The following C10orf53 variants were observed in gnomAD, a reference collection of about 807,000 sequenced individuals.
C10orf53 encodes chromosome 10 open reading frame 53, also known as UPF0728 protein C10orf53.
In C10orf53, 8 loss-of-function variants were observed where a neutral mutation model predicts 9.4. The observed-to-expected ratio is 0.85, with a 90% CI of 0.50 to 1.53. The LOEUF (loss-of-function observed/expected upper bound fraction) is 1.53, where lower values mean the gene tolerates loss of function less well. C10orf53 is among the 40% of genes most tolerant of loss of function. The pLI is 0.00. For synonymous variants in C10orf53, 48 were observed against 46.0 expected (o/e 1.04, Z -0.18); for missense variants, 117 against 117.8 (o/e 0.99, Z 0.03).
At position 49,694,986 on chromosome 10, in the gene C10orf53, G is replaced by A. The variant is rs1840621184; in HGVS notation, c.*384G>A. 4 of 991,982 alleles carry A rather than the reference G, an allele frequency of 4.0e-6. No individual in the cohort carries two copies. Among genetic ancestry groups the A allele is most frequent in the Non-Finnish European group, 4.8e-6 (4 of 830,592 alleles). 61.4% of individuals were successfully genotyped at this position (991,982 alleles called of 1,614,324 possible). On this transcript the variant is annotated 3_prime_UTR_variant, in exon 3 of 3. Coordinates refer to ENST00000374111, the MANE Select transcript of C10orf53 (RefSeq NM_001042427.3). ...TTTAGTACTCAAAGTGCTCAGAACA[G>A]GTGAAATTAAAGAGAGGTTGGGGGA...
Position 49,708,385 on chromosome 10 carries a change from A to C in C10orf53, c.242A>C (p.Lys81Thr), listed in dbSNP as rs1462089757. The change falls in exon 3 of 3, where the codon AAG becomes ACG. Residue 81 changes from lysine (K) to threonine (T), a missense_variant. Coordinates refer to the C10orf53 transcript ENST00000374112. ...GGCAAGCTCACCCCAAGTAGTGACA[A>C]GAGGACCACCAGCAGCTCCAGGCTG... is the stretch of plus-strand genomic sequence containing the variant. 2.1e-5 allele frequency: 34 copies of C among 1,614,008 alleles called. No homozygotes were observed. The Admixed American group carries it at 5.7e-4, about 27-fold the overall frequency.
At chr10:49,704,275 C>G (rs758585023) in intron 2 of C10orf53, among the ~76,000 whole-genome samples, 2 of 152,188 alleles carry the variant, frequency 1.3e-5, no homozygotes, top group Non-Finnish European at 2.9e-5. Context: ...ATTTGCAACT[C>G]ATATCCTTAA....
chr10:49,693,688 G>A, intron 1 of C10orf53, 86 bp from the exon 2 acceptor site: 1 of 1,459,540 alleles, frequency 6.9e-7, no homozygotes, highest in Non-Finnish European at 9.4e-7. Flanking sequence ...TGGCAGACAA[G>A]CTACTGTCAT....
intron 2 of C10orf53, 53 bp downstream of exon 2, chr10:49,693,946 C>T: frequency 1.9e-6 from 3 of 1,610,444 alleles, no homozygotes; most frequent in Middle Eastern, 1.7e-4. Context: ...CTGAGGAGTC[C>T]CTCAATTTCT....
intron 1 of C10orf53, among the ~76,000 whole-genome samples, chr10:49,688,393 C>T (rs182440867): frequency 2.3e-4 from 35 of 152,196 alleles, no homozygotes; most frequent in African/African-American, 8.4e-4. Flanking sequence ...TTTTTGTCCA[C>T]CCGCCATCAT....
At chr10:49,701,846 T>C (rs1840685743), downstream of C10orf53, among the ~76,000 whole-genome samples, 1 of 152,298 alleles carries the variant, frequency 6.6e-6, no homozygotes, top group Non-Finnish European at 1.5e-5. Context: ...CTCTTCTCTT[T>C]ACCTTTGTGC....
chr10:49,697,227 CCTGT>C lies in C10orf53; in HGVS notation c.*2628_*2631del, dbSNP rs1840643773. Reference sequence around the variant, plus strand: ...AATAAAGATTTTGACATAGAAGCCACCTGTCTATGGCCTTATCCTCCTCTGTCAC... The same window carrying C: ...AATAAAGATTTTGACATAGAAGCCACCTATGGCCTTATCCTCCTCTGTCAC... On this transcript the variant is annotated 3_prime_UTR_variant, in exon 3 of 3. Transcript: ENST00000374111. Among the ~76,000 whole-genome samples the C allele has an allele frequency of 6.6e-6, 1 of 152,134 alleles. No homozygotes were observed. Among genetic ancestry groups the C allele is most frequent in the Non-Finnish European group, 1.5e-5 (1 of 68,026 alleles).
chr10:49,682,218 C>G (rs1242555379), intron 1 of C10orf53, among the ~76,000 whole-genome samples: 1 of 152,138 alleles, frequency 6.6e-6, no homozygotes. Flanking sequence ...TTTCAACACC[C>G]CAGACAGAAA....
exon 3 of C10orf53, chr10:49,708,885 C>T (rs1270561): frequency 0.89 from 443,194 of 497,658 alleles, 200,153 homozygotes; most frequent in East Asian, 0.98. Flanking sequence ...GGGACAGCCC[C>T]CACCATCTTC....
intron 2 of C10orf53, among the ~76,000 whole-genome samples, chr10:49,707,905 A>G (rs541707137): frequency 6.6e-5 from 10 of 151,888 alleles, no homozygotes; most frequent in Admixed American, 3.9e-4. Flanking sequence ...ACCTCATTGT[A>G]TTTTTAACTG....
At chr10:49,701,562 T>C (rs566076758), downstream of C10orf53, among the ~76,000 whole-genome samples, 1 of 152,330 alleles carries the variant, frequency 6.6e-6, no homozygotes, top group Non-Finnish European at 1.5e-5. Flanking sequence ...CCCAAATTTC[T>C]CACAGTTCCT....
intron 1 of C10orf53, among the ~76,000 whole-genome samples, chr10:49,691,698 C>T (rs1270211113): frequency 6.6e-6 from 1 of 152,222 alleles, no homozygotes; most frequent in African/African-American, 2.4e-5. Flanking sequence ...ATAAGTGCCA[C>T]TGTCCTCTAA....
exon 3 of C10orf53, chr10:49,708,458 G>C (rs145486829): frequency 8.4e-5 from 136 of 1,613,994 alleles, no homozygotes; most frequent in Admixed American, 5.7e-4. Context: ...TTTCTCCTTT[G>C]CAACAGTTCC....
At chr10:49,709,575 C>A (rs1840747949) in exon 3 of C10orf53, 1 of 152,378 alleles carries the variant, frequency 6.6e-6, no homozygotes, top group Non-Finnish European at 1.5e-5. Flanking sequence ...CCATCTCAGC[C>A]AGAACCAGCT....
intron 1 of C10orf53, among the ~76,000 whole-genome samples, chr10:49,688,822 C>T (rs1348739109): frequency 6.6e-6 from 1 of 152,166 alleles, no homozygotes; most frequent in Non-Finnish European, 1.5e-5. Context: ...TCAAAAGTCA[C>T]CTTCATGGGC....
chr10:49,706,847 T>C (rs1034766190), intron 2 of C10orf53, among the ~76,000 whole-genome samples: 2 of 152,254 alleles, frequency 1.3e-5, no homozygotes, highest in African/African-American at 2.4e-5. Context: ...TTTGCAAAGA[T>C]GTCCATATCA....
chr10:49,698,558 A>T (rs1250828125), downstream of C10orf53, among the ~76,000 whole-genome samples: 1 of 152,178 alleles, frequency 6.6e-6, no homozygotes, highest in Admixed American at 6.5e-5. Context: ...ACTGGTGACA[A>T]TCAACAAATG....
intron 1 of C10orf53, among the ~76,000 whole-genome samples, chr10:49,684,054 A>G (rs1480224349): frequency 6.6e-6 from 1 of 152,192 alleles, no homozygotes. Flanking sequence ...CATTAAAAAG[A>G]TATTCATATG....
At chr10:49,700,382 A>G (rs149320376), downstream of C10orf53, among the ~76,000 whole-genome samples, 799 of 152,338 alleles carry the variant, frequency 5.2e-3, 10 homozygotes, top group African/African-American at 0.017. Flanking sequence ...TTTCCCCCCA[A>G]GGGGAATGAA....
Sources: gnomAD v4.1 joint callset for allele counts (sites outside exome capture counted in the v4.1 genomes callset) on GRCh38, gnomAD v4.1.1 for gene constraint, MANE v1.5 for transcripts, NCBI Gene and HGNC (gene_info 2026-07-23, HGNC 2026-07-21) for gene names.